TOLLIP: variants seen among roughly 807,000 people sequenced by gnomAD.
The protein encoded by TOLLIP is toll interacting protein.
In TOLLIP, 16 loss-of-function variants were observed where a neutral mutation model predicts 33.5. The ratio of observed to expected loss-of-function variants is 0.48; its 90% CI spans 0.32 to 0.72. TOLLIP has a LOEUF of 0.72. Among genes scored for constraint, TOLLIP ranks in the 30% least tolerant of loss-of-function variants. The pLI, the probability that TOLLIP is intolerant of heterozygous loss-of-function variation, is 0.03. For missense variants in TOLLIP, 325 were observed against 396.6 expected (o/e 0.82, Z 1.53); for synonymous variants, 176 against 163.7 (o/e 1.07, Z -0.57).
intron 1 of TOLLIP, among the ~76,000 whole-genome samples, chr11:1,306,513 C>T (rs1014894440): frequency 2.0e-5 from 3 of 152,144 alleles, no homozygotes; most frequent in Admixed American, 6.5e-5. Flanking sequence ...TGCTTAACCT[C>T]CTGCCTCTCT....
intron 4 of TOLLIP, among the ~76,000 whole-genome samples, 180 bp downstream of exon 4, chr11:1,288,444 A>G (rs1863819170): frequency 6.6e-6 from 1 of 152,188 alleles, no homozygotes; most frequent in Admixed American, 6.5e-5. Context: ...TGGGCAGGGC[A>G]GCCCCTCTCT....
At chr11:1,288,833 T>C in intron 3 of TOLLIP, 57 bp from the exon 4 acceptor site, 1 of 1,570,628 alleles carries the variant, frequency 6.4e-7, no homozygotes, top group Non-Finnish European at 8.7e-7. Flanking sequence ...ACCCTGCCCC[T>C]GCAGCCGCAC....
chr11:1,280,160 C>A (rs1481174366), intron 5 of TOLLIP, among the ~76,000 whole-genome samples: 1 of 152,248 alleles, frequency 6.6e-6, no homozygotes. Flanking sequence ...GGAACCATTT[C>A]GTATTTTAAA....
chr11:1,279,945 A>G (rs1370637799), intron 5 of TOLLIP, among the ~76,000 whole-genome samples: 1 of 152,180 alleles, frequency 6.6e-6, no homozygotes, highest in Non-Finnish European at 1.5e-5. Context: ...GCAGGTGGGG[A>G]CGACCGTCCA....
Position 1,275,471 on chromosome 11 carries a change from G to A in TOLLIP, c.*1568C>T, listed in dbSNP as rs1863265311. 6.6e-6 allele frequency: 1 copy of A among 152,124 alleles called. No individual in the cohort carries two copies. The highest frequency in any genetic ancestry group is 6.5e-5 in the Admixed American group (1 of 15,272). The allele number at this position is 152,124 out of a possible 1,614,324, so 9.4% of individuals were successfully genotyped here. A position where few individuals can be genotyped will look rare whatever the true frequency, so the allele number is the denominator to read the frequency against. ...AGAAATCTACACAGGCGTAAGACCA[G>A]GCCATCTGAGACAGGGAATCCCAGG... On this transcript the variant is annotated 3_prime_UTR_variant, in exon 6 of 6. Transcript: ENST00000317204.
At chr11:1,309,414 G>A (rs1440336714) in intron 1 of TOLLIP, 52 bp downstream of exon 1, 2 of 1,141,928 alleles carry the variant, frequency 1.8e-6, no homozygotes, top group Non-Finnish European at 2.2e-6. Flanking sequence ...CCAAGGCCCC[G>A]CCCGCAACCG....
intron 5 of TOLLIP, among the ~76,000 whole-genome samples, chr11:1,281,932 T>C (rs978211926): frequency 1.3e-5 from 2 of 152,252 alleles, no homozygotes; most frequent in Non-Finnish European, 2.9e-5. Flanking sequence ...CTCCAAGGTC[T>C]CCGCAGACTT....
chr11:1,307,263 C>T (rs575796355), intron 1 of TOLLIP, among the ~76,000 whole-genome samples: 119 of 152,338 alleles, frequency 7.8e-4, no homozygotes, highest in Non-Finnish European at 1.2e-3. Flanking sequence ...TACCGGTCAA[C>T]GGGGGTGCCC....
intron 1 of TOLLIP, among the ~76,000 whole-genome samples, chr11:1,301,474 A>G (rs563180581): frequency 1.7e-4 from 24 of 142,320 alleles, no homozygotes; most frequent in Middle Eastern, 7.6e-3. Flanking sequence ...CTCCGTATCC[A>G]TGTGCTGGGA....
intron 5 of TOLLIP, chr11:1,283,646 G>A (rs948734404): frequency 3.8e-5 from 17 of 446,658 alleles, no homozygotes; most frequent in East Asian, 1.4e-4. Flanking sequence ...TAAAATAAAC[G>A]TTTTAGAGCA....
At position 1,286,985 on chromosome 11, in the gene TOLLIP, G is replaced by A. The variant is rs148529381; in HGVS notation, c.520-893C>T. Among the ~76,000 whole-genome samples the A allele has an allele frequency of 3.4e-3, 497 of 144,658 alleles. 5 individuals carry two copies. Among genetic ancestry groups the A allele is most frequent in the African/African-American group, 0.012 (466 of 38,660 alleles). 94.9% of individuals were successfully genotyped at this position (144,658 alleles called of 152,430 possible). A position where few individuals can be genotyped will look rare whatever the true frequency, so the allele number is the denominator to read the frequency against. ...AACTGTGGATAAGTCACTGCACCGC[G>A]GTTGTCTCTGAGTTCGAAACTGTCA... is the stretch of plus-strand genomic sequence containing the variant. On this transcript the variant is annotated intron_variant, in intron 4 of 5. Transcript: ENST00000317204.
At chr11:1,285,328 C>T (rs932489572) in intron 5 of TOLLIP, among the ~76,000 whole-genome samples, 1 of 152,262 alleles carries the variant, frequency 6.6e-6, no homozygotes, top group Non-Finnish European at 1.5e-5. Flanking sequence ...CAGGCTCCCC[C>T]CTAGCACCTC....
At position 1,276,864 on chromosome 11, in the gene TOLLIP, GA is replaced by G; in HGVS notation, c.*174del. 6.5e-7 allele frequency: 1 copy of G among 1,537,234 alleles called. No homozygotes were observed. The highest frequency in any genetic ancestry group is 8.7e-7 in the Non-Finnish European group (1 of 1,147,226). On this transcript the variant is annotated 3_prime_UTR_variant, in exon 6 of 6. Transcript: ENST00000317204. ...CCCCCGCCCCGTCCTGGACCGCCAGGAACCGAAAACCCACATGCACCCAAGA... is the reference window on the plus strand; with the variant it reads ...CCCCCGCCCCGTCCTGGACCGCCAGGACCGAAAACCCACATGCACCCAAGA...
rs769993275 is a variant in TOLLIP at position 1,277,034 on chromosome 11, A to G, written c.*5T>C. The G allele has an allele frequency of 1.2e-5, 19 of 1,612,220 alleles. No individual in the cohort carries two copies. The highest frequency in any genetic ancestry group is 1.7e-5 in the Admixed American group (1 of 59,902). ...CGGGGGCAAAACGGCATCGAGGCAG[A>G]GGCTCTATGGCTCCTCCCCCATCTG... On this transcript the variant is annotated 3_prime_UTR_variant, in exon 6 of 6. Transcript: ENST00000317204. The surrounding 1 kb of genome is among the most constrained non-coding windows in gnomAD (Gnocchi z 4.2).
intron 1 of TOLLIP, among the ~76,000 whole-genome samples, chr11:1,305,279 G>A (rs572030590): frequency 9.8e-5 from 15 of 152,352 alleles, no homozygotes; most frequent in East Asian, 5.8e-4. Flanking sequence ...CGGTGAGTGC[G>A]TTCCCCGCTG....
chr11:1,284,109 C>A (rs1366879618), intron 5 of TOLLIP, among the ~76,000 whole-genome samples: 1 of 152,170 alleles, frequency 6.6e-6, no homozygotes, highest in Non-Finnish European at 1.5e-5. Context: ...CGCATCAGGG[C>A]CCCCAGGGCA....
Position 1,309,512 on chromosome 11 carries a change from C to A in TOLLIP, c.-14G>T, listed in dbSNP as rs769926714. 4 of 1,300,074 alleles carry A rather than the reference C, an allele frequency of 3.1e-6. No homozygotes were observed. In the East Asian group the frequency reaches 1.0e-4, roughly 33 times the overall value. 80.5% of individuals were successfully genotyped at this position (1,300,074 alleles called of 1,614,324 possible). A position where few individuals can be genotyped will look rare whatever the true frequency, so the allele number is the denominator to read the frequency against. On this transcript the variant is annotated 5_prime_UTR_variant, in exon 1 of 6. Transcript: ENST00000317204. The stretch of plus-strand genomic sequence containing the variant: ...GGTGGTCGCCATGGTGCTGCGGCGG[C>A]CCCCGTGGCTCGCCGACCCGACAGT...
chr11:1,280,372 C>T (rs1025284865), intron 5 of TOLLIP, among the ~76,000 whole-genome samples: 1 of 152,190 alleles, frequency 6.6e-6, no homozygotes, highest in Non-Finnish European at 1.5e-5. Context: ...GCAGCGGCGT[C>T]CACCTGCGTG....
intron 1 of TOLLIP, among the ~76,000 whole-genome samples, chr11:1,306,554 G>A (rs1364933883): frequency 6.6e-6 from 1 of 152,146 alleles, no homozygotes; most frequent in Non-Finnish European, 1.5e-5. Flanking sequence ...AAGAGGACAT[G>A]ATAAATACTG....
Sources: allele counts gnomAD v4.1 joint callset (sites outside exome capture counted in the v4.1 genomes callset), GRCh38; gene constraint gnomAD v4.1.1; non-coding constraint Gnocchi (gnomAD v3.1); transcripts MANE v1.5; gene names NCBI Gene and HGNC (gene_info 2026-07-23, HGNC 2026-07-21).